Variants in PECAM1 observed in about 807,000 individuals in gnomAD.
The protein encoded by PECAM1 is platelet and endothelial cell adhesion molecule 1, also known as platelet endothelial cell adhesion molecule.
Under a neutral mutation model 13.8 loss-of-function variants are expected in PECAM1, and 8 were observed. The ratio of observed to expected loss-of-function variants is 0.58; its 90% confidence interval spans 0.34 to 1.05. The LOEUF is 1.05. Ranked by LOEUF, PECAM1 falls within the 50% of genes least tolerant of loss-of-function variation. The pLI is 0.03. For synonymous variants in PECAM1, 136 were observed against 52.6 expected (o/e 2.58, Z -6.86); for missense variants, 304 against 141.2 (o/e 2.15, Z -5.84).
intron 6 of PECAM1, among the ~76,000 whole-genome samples, chr17:64,361,065 C>T (rs2143812574): frequency 6.7e-6 from 1 of 148,966 alleles, no homozygotes; most frequent in Admixed American, 6.8e-5. Flanking sequence ...AAGTGATCCT[C>T]CCACATCAGC....
rs2036388644 is a variant in PECAM1, at chr17:64,377,615, A to AG, written c.385+208dup. On this transcript the variant is annotated intron_variant, in intron 3 of 15. Transcript: ENST00000563924. ...GACAGAGTGAGACTCCATCAAAGAA[A>AG]GAAAGGAAGGAAGGAAGGAAGGAAG... 273 of 365,030 alleles carry AG rather than the reference A, an allele frequency of 7.5e-4. 1 individual carries two copies. The highest frequency in any genetic ancestry group is 4.6e-3 in the African/African-American group (221 of 47,876). The allele number at this position is 365,030 out of a possible 1,614,324, so 22.6% of individuals were successfully genotyped here.
intron 4 of PECAM1, chr17:64,370,322 A>G (rs1342392456): frequency 1.3e-5 from 3 of 234,234 alleles, no homozygotes; most frequent in African/African-American, 6.7e-5. Flanking sequence ...TAACCACAGT[A>G]TTTAGAAATG....
At chr17:64,364,816 G>A (rs1430383257) in intron 5 of PECAM1, among the ~76,000 whole-genome samples, 7 of 151,688 alleles carry the variant, frequency 4.6e-5, no homozygotes, top group Non-Finnish European at 8.8e-5. Flanking sequence ...TTGATGGGAC[G>A]TATCTCAAAA....
intron 14 of PECAM1, among the ~76,000 whole-genome samples, chr17:64,335,675 C>A (rs9913080): frequency 0.45 from 68,606 of 152,034 alleles, 17,305 homozygotes; most frequent in East Asian, 0.68. Flanking sequence ...GTTTCCCCAT[C>A]TGCAGAGCAA....
chr17:64,334,879 A>C (rs1477896796), intron 14 of PECAM1, among the ~76,000 whole-genome samples: 2 of 152,014 alleles, frequency 1.3e-5, no homozygotes, highest in African/African-American at 4.8e-5. Context: ...TCTGGGTTTT[A>C]CCTGCCCACC....
intron 8 of PECAM1, among the ~76,000 whole-genome samples, chr17:64,355,853 C>G (rs2035833726): frequency 6.6e-6 from 1 of 152,184 alleles, no homozygotes; most frequent in African/African-American, 2.4e-5. Flanking sequence ...CCCAAGATGA[C>G]TCAATGGTGA....
At chr17:64,351,169 C>A (rs986416983) in intron 11 of PECAM1, among the ~76,000 whole-genome samples, 1 of 152,124 alleles carries the variant, frequency 6.6e-6, no homozygotes, top group Non-Finnish European at 1.5e-5. Flanking sequence ...TGAGCCACCG[C>A]GCCCAGCCTA....
At chr17:64,338,373 C>T (rs1056944755) in intron 14 of PECAM1, among the ~76,000 whole-genome samples, 1 of 151,318 alleles carries the variant, frequency 6.6e-6, no homozygotes, top group East Asian at 1.9e-4. Flanking sequence ...AACCACCATG[C>T]CCAGCCCTAA....
intron 14 of PECAM1, among the ~76,000 whole-genome samples, chr17:64,340,967 C>T (rs2035412241): frequency 2.0e-5 from 3 of 151,946 alleles, no homozygotes. Context: ...TGTGGTGGCA[C>T]ATGCCTGTAA....
At position 64,322,105 on chromosome 17, in the gene PECAM1, C is replaced by T. The variant is rs912989446; in HGVS notation, c.*1711G>A. 1.8e-6 allele frequency: 2 copies of T among 1,100,698 alleles called. No individual in the cohort carries two copies. Among genetic ancestry groups the T allele is most frequent in the Non-Finnish European group, 1.1e-6 (1 of 888,156 alleles). The allele number at this position is 1,100,698 out of a possible 1,614,324, so 68.2% of individuals were successfully genotyped here. ...AGAGTCTAGGCTGGGCATGGTGGCT[C>T]ACGCCTGCAATCCCAACCCAAAGGC... On this transcript the variant is annotated 3_prime_UTR_variant, in exon 16 of 16. Coordinates refer to ENST00000563924, the MANE Select transcript of PECAM1 (RefSeq NM_000442.5).
chr17:64,350,198 C>T (rs1238541831), intron 12 of PECAM1, among the ~76,000 whole-genome samples, 182 bp downstream of exon 12: 2 of 152,124 alleles, frequency 1.3e-5, no homozygotes, highest in Non-Finnish European at 2.9e-5. Flanking sequence ...CCACTGAGGA[C>T]ACTAGATAGC....
At chr17:64,342,476 G>A (rs2035458912) in intron 13 of PECAM1, among the ~76,000 whole-genome samples, 2 of 152,172 alleles carry the variant, frequency 1.3e-5, no homozygotes, top group South Asian at 2.1e-4. Flanking sequence ...TAGAGCCTGG[G>A]GGTTGTCAGT....
intron 14 of PECAM1, among the ~76,000 whole-genome samples, chr17:64,333,779 G>A (rs1055061501): frequency 6.6e-6 from 1 of 151,462 alleles, no homozygotes; most frequent in Admixed American, 6.6e-5. Context: ...CCAATGTGAC[G>A]AAACCCCATC....
intron 14 of PECAM1, among the ~76,000 whole-genome samples, chr17:64,333,495 G>GT (rs150348184): frequency 6.6e-6 from 1 of 152,202 alleles, no homozygotes; most frequent in African/African-American, 2.4e-5. Context: ...ATTGTCGCAT[G>GT]TTTAGCGGTA....
chr17:64,389,904 C>T (rs2036678797), intron 2 of PECAM1, among the ~76,000 whole-genome samples: 2 of 151,874 alleles, frequency 1.3e-5, no homozygotes, highest in Non-Finnish European at 2.9e-5. Context: ...AAAAATTAGC[C>T]GGGCCTGGTG....
At chr17:64,327,819 G>A (rs190430945) in intron 15 of PECAM1, among the ~76,000 whole-genome samples, 1 of 152,252 alleles carries the variant, frequency 6.6e-6, no homozygotes, top group African/African-American at 2.4e-5. Flanking sequence ...TGTTTTCAGA[G>A]GCAACGGCCA....
intron 6 of PECAM1, among the ~76,000 whole-genome samples, chr17:64,361,160 T>TGTGTGTGTGTGTGTGTGTG (rs2035968097): frequency 2.0e-5 from 3 of 148,056 alleles, no homozygotes; most frequent in African/African-American, 7.5e-5. Context: ...TGTGTGTGTG[T>TGTGTGTGTGTGTGTGTGTG]TCTGAGACCG....
At chr17:64,325,802 G>A (rs913714934) in intron 15 of PECAM1, among the ~76,000 whole-genome samples, 3 of 152,198 alleles carry the variant, frequency 2.0e-5, no homozygotes, top group Admixed American at 6.5e-5. Context: ...GATTCCTTCT[G>A]CCATCCTGTA....
chr17:64,329,604 A>T (rs2035048971), intron 15 of PECAM1, 96 bp downstream of exon 15: 2 of 709,246 alleles, frequency 2.8e-6, no homozygotes, highest in Non-Finnish European at 5.3e-6. Context: ...GGAGCGGGGA[A>T]GAATTCATGT....
Sources: allele counts gnomAD v4.1 joint callset (sites outside exome capture counted in the v4.1 genomes callset), GRCh38; gene constraint gnomAD v4.1.1; transcripts MANE v1.5; gene names NCBI Gene and HGNC (gene_info 2026-07-23, HGNC 2026-07-21).